SCN3B: variants seen among roughly 807,000 people sequenced by gnomAD.
SCN3B encodes sodium channel regulatory subunit beta-3.
Under a neutral mutation model 25.4 loss-of-function variants are expected in SCN3B, and 11 were observed. The ratio of observed to expected loss-of-function variants is 0.43; its 90% CI spans 0.27 to 0.72. SCN3B has a LOEUF of 0.72. Among genes scored for constraint, SCN3B ranks in the 30% least tolerant of loss-of-function variants. The probability of loss-of-function intolerance (pLI) is 0.18; values close to 1 mark genes in which losing one functional copy is unlikely to be tolerated. For missense variants in SCN3B, 218 were observed against 278.3 expected (o/e 0.78, Z 1.54); for synonymous variants, 109 against 110.7 (o/e 0.99, Z 0.09).
chr11:123,634,709 C>G (rs1341728116), intron 5 of SCN3B, among the ~76,000 whole-genome samples: 3 of 152,162 alleles, frequency 2.0e-5, no homozygotes, highest in Non-Finnish European at 4.4e-5. Context: ...TCCAGCCTGG[C>G]AACAGTGAGA....
At chr11:123,639,189 T>G (rs1390080044) in intron 4 of SCN3B, 1 of 152,302 alleles carries the variant, frequency 6.6e-6, no homozygotes, top group Non-Finnish European at 1.5e-5. Context: ...TATGTTAGAA[T>G]CTGTGAACTT....
At chr11:123,646,999 T>C (rs554246657) in intron 2 of SCN3B, among the ~76,000 whole-genome samples, 54 of 152,234 alleles carry the variant, frequency 3.5e-4, no homozygotes, top group Middle Eastern at 6.8e-3. Flanking sequence ...ACAGAACATA[T>C]CTGTCTTCAA....
At chr11:123,645,510 C>A in intron 3 of SCN3B, 77 bp downstream of exon 3, 1 of 1,448,338 alleles carries the variant, frequency 6.9e-7, no homozygotes, top group Non-Finnish European at 9.7e-7. Context: ...AGCTTGGCAT[C>A]CCCCGGACTG....
At chr11:123,637,082 G>T (rs1352348192) in intron 5 of SCN3B, among the ~76,000 whole-genome samples, 2 of 152,148 alleles carry the variant, frequency 1.3e-5, no homozygotes, top group Non-Finnish European at 2.9e-5. Flanking sequence ...AAATCTGTGG[G>T]TTTTTTCTAT....
rs1049826277 is a variant in SCN3B, at chr11:123,632,248, T to C, written c.*1551A>G. 2 of 152,264 alleles carry C rather than the reference T, an allele frequency of 1.3e-5. No individual in the cohort carries two copies. The highest frequency in any genetic ancestry group is 2.9e-5 in the Non-Finnish European group (2 of 68,044). The allele number at this position is 152,264 out of a possible 1,614,324, so 9.4% of individuals were successfully genotyped here. A position where few individuals can be genotyped will look rare whatever the true frequency, so the allele number is the denominator to read the frequency against. On this transcript the variant is annotated 3_prime_UTR_variant, in exon 7 of 7. Coordinates refer to ENST00000299333, the MANE Select transcript of SCN3B (RefSeq NM_001040151.2). ...CCCTCTCACACTGCTCATTTACTTA[T>C]GATCCATCTCAGACTAAACATTTTT...
At chr11:123,643,024 G>A (rs940599116) in intron 3 of SCN3B, among the ~76,000 whole-genome samples, 13 of 152,146 alleles carry the variant, frequency 8.5e-5, no homozygotes, top group African/African-American at 2.7e-4. Flanking sequence ...CCCAGGAGAC[G>A]GACATTGAGA....
intron 2 of SCN3B, among the ~76,000 whole-genome samples, chr11:123,646,465 T>A (rs1406706846): frequency 6.6e-6 from 1 of 152,214 alleles, no homozygotes; most frequent in African/African-American, 2.4e-5. Flanking sequence ...TGTATCTGTG[T>A]TGTGTGAAAA....
chr11:123,642,418 C>A lies in SCN3B; in HGVS notation c.445+28G>T, dbSNP rs777551635. On this transcript the variant is annotated intron_variant, in intron 4 of 6. Transcript: ENST00000299333. This position sits in a 1 kb window ranked among gnomAD's most constrained non-coding sequence, Gnocchi z 4.3. ...TTCCCTGTCCACAGAGAGCAGGACG[C>A]CCTAGAGACCCTGTGCCTCAGCCTC... The A allele has an allele frequency of 1.2e-6, 2 of 1,609,340 alleles. No individual in the cohort carries two copies. The highest frequency in any genetic ancestry group is 8.5e-7 in the Non-Finnish European group (1 of 1,175,760).
intron 4 of SCN3B, chr11:123,640,821 C>A (rs58071488): frequency 0.081 from 12,364 of 152,274 alleles, 575 homozygotes; most frequent in African/African-American, 0.12. Flanking sequence ...ATCTGGAGGA[C>A]GCCAATGTGG....
rs1389936522 is a variant in SCN3B, at chr11:123,653,861, C to A, written c.-25-35G>T. The stretch of plus-strand genomic sequence containing the variant: ...GAGATTCCCTCGGTCAAGGACTGCG[C>A]CCTCTCAGATTCTTTCGAGGAAACC... On this transcript the variant is annotated intron_variant, in intron 1 of 6. Coordinates refer to ENST00000299333, the MANE Select transcript of SCN3B (RefSeq NM_001040151.2). 3.2e-6 allele frequency: 5 copies of A among 1,581,636 alleles called. No individual in the cohort carries two copies. In the South Asian group the frequency reaches 3.3e-5, roughly 10 times the overall value.
At chr11:123,643,752 T>C (rs1173656646) in intron 3 of SCN3B, among the ~76,000 whole-genome samples, 1 of 152,250 alleles carries the variant, frequency 6.6e-6, no homozygotes, top group African/African-American at 2.4e-5. Context: ...TGGGCAGCTA[T>C]CACTGGTACA....
chr11:123,645,305 T>C (rs150220345), intron 3 of SCN3B, among the ~76,000 whole-genome samples: 2 of 152,298 alleles, frequency 1.3e-5, no homozygotes, highest in East Asian at 3.9e-4. Flanking sequence ...CTGCAAAATG[T>C]GTGGTAGGGC....
intron 5 of SCN3B, among the ~76,000 whole-genome samples, chr11:123,637,280 G>A (rs925678120): frequency 7.9e-5 from 12 of 152,240 alleles, no homozygotes; most frequent in African/African-American, 2.9e-4. Context: ...AGGCTCTAGG[G>A]GAAATAACAT....
chr11:123,629,336 C>T lies in SCN3B; in HGVS notation c.*4463G>A, dbSNP rs950403602. 1 of 152,204 alleles carries T rather than the reference C, an allele frequency of 6.6e-6. No homozygotes were observed. Among genetic ancestry groups the T allele is most frequent in the Non-Finnish European group, 1.5e-5 (1 of 68,060 alleles). The allele number at this position is 152,204 out of a possible 1,614,324, so 9.4% of individuals were successfully genotyped here. On this transcript the variant is annotated 3_prime_UTR_variant, in exon 7 of 7. Coordinates refer to ENST00000299333, the MANE Select transcript of SCN3B (RefSeq NM_001040151.2). ...GGCAGTTCACAAGCCTGCAAGCACTCGGCCTTCAGCGGCCTCCGTCTCCAT... is the reference window on the plus strand; with the variant it reads ...GGCAGTTCACAAGCCTGCAAGCACTTGGCCTTCAGCGGCCTCCGTCTCCAT...
chr11:123,648,117 A>G (rs537538530), intron 2 of SCN3B, among the ~76,000 whole-genome samples: 14 of 152,366 alleles, frequency 9.2e-5, no homozygotes, highest in Non-Finnish European at 1.6e-4. Flanking sequence ...TCCGTGTAGT[A>G]TGGAACCTCA....
Position 123,631,549 on chromosome 11 carries a change from C to G in SCN3B, c.*2250G>C, listed in dbSNP as rs1321639526. ...ATGTGTTAACGGTCTGGTTTTGGGC[C>G]AGGCACAGTTGCTCAGGCCTGTAAT... is the stretch of plus-strand genomic sequence containing the variant. On this transcript the variant is annotated 3_prime_UTR_variant, in exon 7 of 7. Coordinates refer to ENST00000299333, the MANE Select transcript of SCN3B (RefSeq NM_001040151.2). 6.6e-6 allele frequency: 1 copy of G among 152,164 alleles called. No homozygotes were observed. The highest frequency in any genetic ancestry group is 1.5e-5 in the Non-Finnish European group (1 of 68,036). 9.4% of individuals were successfully genotyped at this position (152,164 alleles called of 1,614,324 possible).
At chr11:123,652,641 A>G (rs1480301226) in intron 2 of SCN3B, among the ~76,000 whole-genome samples, 2 of 152,194 alleles carry the variant, frequency 1.3e-5, no homozygotes, top group Non-Finnish European at 2.9e-5. Flanking sequence ...TACCCTGTGT[A>G]TTGATTTTTG....
intron 2 of SCN3B, among the ~76,000 whole-genome samples, chr11:123,651,924 C>T (rs559587819): frequency 4.6e-5 from 7 of 152,150 alleles, no homozygotes; most frequent in Admixed American, 3.3e-4. Context: ...AGATATCACC[C>T]GTGCCAACTT....
rs372253894 is a variant in SCN3B at position 123,653,984 on chromosome 11, G to A, written c.-25-158C>T. The A allele has an allele frequency of 2.3e-3, 1,562 of 673,104 alleles. 23 individuals are homozygous for A. Among genetic ancestry groups the A allele is most frequent in the South Asian group, 0.016 (892 of 57,364 alleles). 41.7% of individuals were successfully genotyped at this position (673,104 alleles called of 1,614,324 possible). On this transcript the variant is annotated intron_variant, in intron 1 of 6. Transcript: ENST00000299333. ...CCCTGGGAGCTTTTGGAGCCGGGTG[G>A]GGGCTTTGGGCCCTAAGCGACCCCA...
Sources: allele counts gnomAD v4.1 joint callset (sites outside exome capture counted in the v4.1 genomes callset), GRCh38; gene constraint gnomAD v4.1.1; non-coding constraint Gnocchi (gnomAD v3.1); transcripts MANE v1.5; gene names NCBI Gene and HGNC (gene_info 2026-07-23, HGNC 2026-07-21).